PTPRK: variants seen among roughly 807,000 people sequenced by gnomAD.
PTPRK encodes receptor-type tyrosine-protein phosphatase kappa.
A neutral mutation model predicts 178.0 loss-of-function variants in PTPRK; 75 were observed. That is an observed-to-expected ratio of 0.42 (90% CI 0.35 to 0.51). PTPRK has a LOEUF of 0.51. Among genes scored for constraint, PTPRK ranks in the 20% least tolerant of loss-of-function variants. The pLI, the probability that PTPRK is intolerant of heterozygous loss-of-function variation, is 0.02. For missense variants in PTPRK, 1,441 were observed against 1,797.8 expected (o/e 0.80, Z 3.59); for synonymous variants, 637 against 620.6 (o/e 1.03, Z -0.39).
chr6:128,109,679 G>A (rs1219571278), intron 7 of PTPRK, among the ~76,000 whole-genome samples: 3 of 152,136 alleles, frequency 2.0e-5, no homozygotes, highest in Non-Finnish European at 4.4e-5. Context: ...TGAACTGTTG[G>A]TAATAAAATA....
intron 1 of PTPRK, among the ~76,000 whole-genome samples, chr6:128,444,565 G>A (rs991890391): frequency 6.6e-6 from 1 of 152,004 alleles, no homozygotes; most frequent in Non-Finnish European, 1.5e-5. Context: ...GTTTTTTATC[G>A]CTTTAACTAC....
chr6:127,970,678 A>C (rs1773804189), intron 29 of PTPRK, among the ~76,000 whole-genome samples: 2 of 152,112 alleles, frequency 1.3e-5, no homozygotes, highest in African/African-American at 4.8e-5. Context: ...TTGTTAAAAT[A>C]TCACCTTAGT....
intron 1 of PTPRK, among the ~76,000 whole-genome samples, chr6:128,500,205 G>A (rs1163638554): frequency 2.0e-5 from 3 of 152,154 alleles, no homozygotes; most frequent in African/African-American, 4.8e-5. Flanking sequence ...TGAAGGAGTG[G>A]CTAAATATAG....
chr6:128,231,278 G>A (rs754722260), intron 5 of PTPRK, among the ~76,000 whole-genome samples: 1 of 152,200 alleles, frequency 6.6e-6, no homozygotes. Flanking sequence ...AAGCAGGACT[G>A]CCGAGTGTTG....
rs1477923387 is a variant in PTPRK at position 128,065,209 on chromosome 6, T to C, written c.2158-415A>G. Among the ~76,000 whole-genome samples the C allele has an allele frequency of 5.3e-5, 8 of 152,288 alleles. No individual in the cohort carries two copies. In the East Asian group the frequency reaches 7.7e-4, roughly 15 times the overall value. The stretch of plus-strand genomic sequence containing the variant: ...CAAAGCTGAACATTACATACTTTCA[T>C]CTGGATCCTAGCATGACTAAAAAGC... On this transcript the variant is annotated intron_variant, in intron 12 of 29. Transcript: ENST00000368226.
intron 5 of PTPRK, among the ~76,000 whole-genome samples, chr6:128,220,064 C>T (rs1380544437): frequency 2.0e-5 from 3 of 151,978 alleles, no homozygotes; most frequent in African/African-American, 7.3e-5. Flanking sequence ...ATCAGCATAT[C>T]CCAGACAAGA....
At chr6:128,445,987 T>C (rs1846965656) in intron 1 of PTPRK, among the ~76,000 whole-genome samples, 1 of 151,778 alleles carries the variant, frequency 6.6e-6, no homozygotes, top group African/African-American at 2.4e-5. Flanking sequence ...TCAATTAGAA[T>C]CCTACACTGG....
chr6:128,302,674 C>T (rs1331074386), intron 3 of PTPRK, among the ~76,000 whole-genome samples: 2 of 151,112 alleles, frequency 1.3e-5, no homozygotes, highest in African/African-American at 4.8e-5. Context: ...TTATATGTTG[C>T]TTCTCTGGCC....
chr6:128,102,724 C>T (rs1421349757), intron 7 of PTPRK, among the ~76,000 whole-genome samples: 2 of 152,168 alleles, frequency 1.3e-5, no homozygotes, highest in East Asian at 1.9e-4. Flanking sequence ...CAATTACCTA[C>T]CAAATATTTC....
intron 27 of PTPRK, among the ~76,000 whole-genome samples, chr6:127,975,174 G>A (rs758053678): frequency 1.1e-4 from 17 of 152,280 alleles, no homozygotes; most frequent in South Asian, 4.1e-4. Context: ...TAAATATGCT[G>A]ACAAAAATAT....
At chr6:128,016,417 T>C (rs898792731) in intron 13 of PTPRK, among the ~76,000 whole-genome samples, 2 of 151,896 alleles carry the variant, frequency 1.3e-5, no homozygotes, top group African/African-American at 4.8e-5. Flanking sequence ...AGGTGCTTTT[T>C]ATTTTCCCCC....
intron 13 of PTPRK, among the ~76,000 whole-genome samples, chr6:128,034,338 T>C (rs913515419): frequency 1.3e-5 from 2 of 152,224 alleles, no homozygotes; most frequent in African/African-American, 4.8e-5. Flanking sequence ...TTCAAATCGA[T>C]GACCAATTTT....
At chr6:128,232,928 G>A (rs1812548413) in intron 5 of PTPRK, among the ~76,000 whole-genome samples, 1 of 152,184 alleles carries the variant, frequency 6.6e-6, no homozygotes, top group African/African-American at 2.4e-5. Flanking sequence ...TACCTAGCGT[G>A]AGCTGATCAC....
At chr6:128,143,812 C>A (rs1477231733) in intron 7 of PTPRK, among the ~76,000 whole-genome samples, 1 of 152,074 alleles carries the variant, frequency 6.6e-6, no homozygotes, top group Non-Finnish European at 1.5e-5. Context: ...CTGGAGAAAC[C>A]CAAATCTGAG....
intron 1 of PTPRK, chr6:128,409,200 C>T (rs1842022838): frequency 2.8e-6 from 1 of 363,538 alleles, no homozygotes; most frequent in East Asian, 8.8e-5. Flanking sequence ...AGATTGATTA[C>T]ACCAATAGCA....
At chr6:128,328,792 T>A (rs1829894731) in intron 2 of PTPRK, among the ~76,000 whole-genome samples, 2 of 152,134 alleles carry the variant, frequency 1.3e-5, no homozygotes. Context: ...GATCTCATAA[T>A]TTACTATATT....
At chr6:128,276,780 T>C (rs1312590031) in intron 3 of PTPRK, among the ~76,000 whole-genome samples, 1 of 152,118 alleles carries the variant, frequency 6.6e-6, no homozygotes, top group East Asian at 1.9e-4. Context: ...ATTATTTCTC[T>C]AAGTTGTGGG....
chr6:128,355,983 A>T (rs1185706903), intron 2 of PTPRK, among the ~76,000 whole-genome samples: 3 of 152,212 alleles, frequency 2.0e-5, no homozygotes, highest in African/African-American at 7.2e-5. Context: ...AGACAATTAA[A>T]AGGCAAATAG....
rs1484510294 is a variant in PTPRK at position 127,976,761 on chromosome 6, C to T, written c.3865G>A (p.Glu1289Lys). 1.2e-6 allele frequency: 2 copies of T among 1,613,730 alleles called. No homozygotes were observed. Among genetic ancestry groups the T allele is most frequent in the Non-Finnish European group, 1.7e-6 (2 of 1,179,942 alleles). The change falls in exon 27 of 30, where the codon GAG becomes AAG. Residue 1289 changes from glutamate to lysine, a missense_variant. Physicochemically the swap from Glu to Lys is moderately conservative, Grantham distance 56. Around this residue, in one of 4 missense-constraint regions of PTPRK, gnomAD observed 335 missense variants for 512.4 expected, o/e 0.65. Transcript: ENST00000368226. ...GGGCCATATCGTAGCATCCCTTCCT[C>T]TGGCCAGTACTGAGGGCAGCCCTAA... ...LSQGCPQYWP[E>K]EGMLRYGPIQ...
Sources: allele counts gnomAD v4.1 joint callset (sites outside exome capture counted in the v4.1 genomes callset), GRCh38; gene constraint gnomAD v4.1.1; regional missense constraint gnomAD v4.1.1; transcripts MANE v1.5; gene names NCBI Gene and HGNC (gene_info 2026-07-23, HGNC 2026-07-21).